The following AMBRA1 variants were observed in gnomAD, a reference collection of about 807,000 sequenced individuals.
The protein encoded by AMBRA1 is activating molecule in BECN1-regulated autophagy protein 1.
AMBRA1 carries 47 observed loss-of-function variants against 125.4 expected under a neutral mutation model. The ratio of observed to expected loss-of-function variants is 0.37; its 90% CI spans 0.30 to 0.48. The LOEUF is 0.48. Among genes scored for constraint, AMBRA1 ranks in the 20% least tolerant of loss-of-function variants. AMBRA1 has a pLI of 0.99. For missense variants in AMBRA1, 1,331 were observed against 1,693.4 expected, an observed-to-expected ratio of 0.79 and a Z score of 3.76; for synonymous variants, 626 against 655.5, an observed-to-expected ratio of 0.95 and a Z score of 0.69.
At chr11:46,478,648 CTTTTTTTTTTTTT>C (rs11449187) in intron 11 of AMBRA1, among the ~76,000 whole-genome samples, 3 of 82,156 alleles carry the variant, frequency 3.7e-5, no homozygotes, top group African/African-American at 1.5e-4. Context: ...TCTTTTTTCT[CTTTTTTTTTTTTT>C]TTTTTTTTTG....
At chr11:46,428,249 G>A (rs1947255954) in intron 14 of AMBRA1, among the ~76,000 whole-genome samples, 1 of 152,066 alleles carries the variant, frequency 6.6e-6, no homozygotes, top group Non-Finnish European at 1.5e-5. Flanking sequence ...TGTGTCCTAC[G>A]AACTATTGAT....
chr11:46,483,811 T>C (rs1273972151), intron 11 of AMBRA1, among the ~76,000 whole-genome samples: 1 of 152,018 alleles, frequency 6.6e-6, no homozygotes. Flanking sequence ...GACAGGAGAA[T>C]TGCTTGAATC....
At chr11:46,513,578 C>T (rs1951358365) in intron 7 of AMBRA1, among the ~76,000 whole-genome samples, 1 of 152,158 alleles carries the variant, frequency 6.6e-6, no homozygotes, top group Admixed American at 6.5e-5. Flanking sequence ...AAGTGTATCA[C>T]TCTGTGGCAC....
chr11:46,419,207 T>C (rs970177861), intron 14 of AMBRA1, among the ~76,000 whole-genome samples: 2 of 152,244 alleles, frequency 1.3e-5, no homozygotes, highest in African/African-American at 2.4e-5. Context: ...TAATATTTTC[T>C]GAGCGGCATA....
intron 2 of AMBRA1, 145 bp from the exon 3 acceptor site, chr11:46,548,020 G>A: frequency 8.2e-7 from 1 of 1,217,000 alleles, no homozygotes; most frequent in East Asian, 2.3e-5. Flanking sequence ...TACAAATTGA[G>A]AGAGATAAAC....
chr11:46,546,376 C>T (rs1320324284), intron 4 of AMBRA1, among the ~76,000 whole-genome samples: 2 of 152,040 alleles, frequency 1.3e-5, no homozygotes, highest in African/African-American at 2.4e-5. Flanking sequence ...AACTCAAGCT[C>T]GGTGCACAAC....
chr11:46,433,770 G>A lies in AMBRA1; in HGVS notation c.2822-142C>T, dbSNP rs149114252. On this transcript the variant is annotated intron_variant, in intron 13 of 17. Coordinates refer to ENST00000683756, the MANE Select transcript of AMBRA1 (RefSeq NM_001387011.1). ...TGTTATCTCATAGGACTGTAGTGAG[G>A]AGTATGATGAGAAGGCATATACATA... 516 of 845,960 alleles carry A rather than the reference G, an allele frequency of 6.1e-4. No homozygotes were observed. In the African/African-American group the frequency reaches 8.0e-3, roughly 13 times the overall value. 52.4% of individuals were successfully genotyped at this position (845,960 alleles called of 1,614,324 possible).
intron 11 of AMBRA1, among the ~76,000 whole-genome samples, chr11:46,482,746 C>T (rs1170033648): frequency 1.3e-5 from 2 of 152,076 alleles, no homozygotes; most frequent in Admixed American, 6.6e-5. Flanking sequence ...CGTAGTGGCT[C>T]ACGCCTGTAA....
chr11:46,563,785 G>A (rs373894964), intron 1 of AMBRA1, among the ~76,000 whole-genome samples: 1 of 148,812 alleles, frequency 6.7e-6, no homozygotes, highest in African/African-American at 2.5e-5. Context: ...TAGTTGCAGT[G>A]AGCCAAGATC....
chr11:46,480,386 T>C (rs542284460), intron 11 of AMBRA1, among the ~76,000 whole-genome samples: 41 of 151,872 alleles, frequency 2.7e-4, no homozygotes, highest in African/African-American at 9.7e-4. Context: ...CCAGGCAAAC[T>C]GCAATTGGAC....
At chr11:46,483,362 T>C (rs1950147229) in intron 11 of AMBRA1, among the ~76,000 whole-genome samples, 1 of 152,190 alleles carries the variant, frequency 6.6e-6, no homozygotes, top group Non-Finnish European at 1.5e-5. Flanking sequence ...CATACAAAGA[T>C]ATCCATGCTT....
rs187410785 is a variant in AMBRA1, at chr11:46,472,317, G to A, written c.2521+21291C>T. On this transcript the variant is annotated intron_variant, in intron 11 of 17. Coordinates refer to ENST00000683756, the MANE Select transcript of AMBRA1 (RefSeq NM_001387011.1). ...TGTCTCTTAGCATTGAGGTGTTCTT[G>A]TCACTGGAACATCTAAAGTTGGCAG... is the stretch of plus-strand genomic sequence containing the variant. Among the ~76,000 whole-genome samples the A allele has an allele frequency of 5.9e-5, 9 of 152,294 alleles. No homozygotes were observed. In the East Asian group the frequency reaches 1.7e-3, roughly 29 times the overall value.
chr11:46,500,614 A>C (rs1454764781), intron 9 of AMBRA1, among the ~76,000 whole-genome samples: 1 of 152,162 alleles, frequency 6.6e-6, no homozygotes, highest in African/African-American at 2.4e-5. Context: ...GCTTTCTGAT[A>C]TCTCTCTCAT....
chr11:46,404,816 C>G (rs560050536), intron 17 of AMBRA1, among the ~76,000 whole-genome samples: 2 of 152,322 alleles, frequency 1.3e-5, no homozygotes, highest in East Asian at 3.9e-4. Context: ...CCCATCCCCC[C>G]AAAAGAATGA....
intron 7 of AMBRA1, among the ~76,000 whole-genome samples, chr11:46,532,367 G>A (rs1952256234): frequency 6.6e-6 from 1 of 152,196 alleles, no homozygotes; most frequent in Non-Finnish European, 1.5e-5. Flanking sequence ...AAAACTTGAG[G>A]AGGAAGCTCC....
intron 1 of AMBRA1, among the ~76,000 whole-genome samples, chr11:46,577,825 C>G (rs1439085927): frequency 6.6e-6 from 1 of 151,952 alleles, no homozygotes; most frequent in Non-Finnish European, 1.5e-5. Flanking sequence ...TGGTGCATGC[C>G]TATAATCCCA....
chr11:46,412,617 T>C (rs1217288082), intron 15 of AMBRA1, among the ~76,000 whole-genome samples: 1 of 152,166 alleles, frequency 6.6e-6, no homozygotes, highest in Non-Finnish European at 1.5e-5. Flanking sequence ...TTCACTGTTT[T>C]TTTTTCCCCA....
rs1952776920 is a variant in AMBRA1 at position 46,542,136 on chromosome 11, G to T, written c.1881C>A (p.Pro627=). ...TGCTCAACTCCAGCCTGCTGGAGCT[G>T]GGCGTTTGGCCCTCAGTCCGCTCGA... ...PPLERTEGQT[P]SSSRLELSSS... Residue 627 remains proline, a synonymous_variant, in exon 7 of 18, where the codon CCC becomes CCA. Coordinates refer to ENST00000683756, the MANE Select transcript of AMBRA1 (RefSeq NM_001387011.1). This position sits in a 1 kb window ranked among gnomAD's most constrained non-coding sequence, Gnocchi z 5.9. The T allele has an allele frequency of 6.2e-7, 1 of 1,613,936 alleles. No homozygotes were observed. Among genetic ancestry groups the T allele is most frequent in the African/African-American group, 1.3e-5 (1 of 74,936 alleles).
chr11:46,443,432 T>C, intron 12 of AMBRA1, 56 bp downstream of exon 12: 1 of 1,454,546 alleles, frequency 6.9e-7, no homozygotes, highest in East Asian at 2.3e-5. Context: ...TTTTGAGTTC[T>C]GGCTCACCAG....
Sources: allele counts gnomAD v4.1 joint callset (sites outside exome capture counted in the v4.1 genomes callset), GRCh38; gene constraint gnomAD v4.1.1; non-coding constraint Gnocchi (gnomAD v3.1); transcripts MANE v1.5; gene names NCBI Gene and HGNC (gene_info 2026-07-23, HGNC 2026-07-21).